The following SCAPER variants were observed in gnomAD, a reference collection of about 807,000 sequenced individuals.
SCAPER encodes S phase cyclin A-associated protein in the endoplasmic reticulum.
In SCAPER, 98 loss-of-function variants were observed where a neutral mutation model predicts 182.2. That is an observed-to-expected ratio of 0.54 (90% confidence interval 0.46 to 0.64). SCAPER has a LOEUF of 0.64. Among genes scored for constraint, SCAPER ranks in the 30% least tolerant of loss-of-function variants. SCAPER has a pLI of 0.00. For synonymous variants in SCAPER, 605 were observed against 564.6 expected (o/e 1.07, Z -1.01); for missense variants, 1,432 against 1,690.0 (o/e 0.85, Z 2.68).
chr15:76,459,530 T>C (rs2142941299), intron 25 of SCAPER, among the ~76,000 whole-genome samples: 1 of 119,236 alleles, frequency 8.4e-6, no homozygotes, highest in East Asian at 2.8e-4. Flanking sequence ...CACTTTTTAA[T>C]GGAATTATTA....
intron 23 of SCAPER, among the ~76,000 whole-genome samples, chr15:76,508,474 C>T (rs973279412): frequency 1.6e-4 from 24 of 152,132 alleles, no homozygotes; most frequent in African/African-American, 5.8e-4. Flanking sequence ...GTTTTAGTAG[C>T]TATGGCCAAA....
At chr15:76,401,701 T>A (rs536819360) in intron 27 of SCAPER, among the ~76,000 whole-genome samples, 1 of 152,294 alleles carries the variant, frequency 6.6e-6, no homozygotes, top group Admixed American at 6.5e-5. Flanking sequence ...AAACTAAACA[T>A]GACGCTAACT....
intron 2 of SCAPER, among the ~76,000 whole-genome samples, chr15:76,878,166 G>T (rs546208011): frequency 6.6e-6 from 1 of 152,046 alleles, no homozygotes; most frequent in East Asian, 1.9e-4. Flanking sequence ...TTAGCAATTG[G>T]TAAGTCTGGC....
intron 6 of SCAPER, among the ~76,000 whole-genome samples, chr15:76,802,329 C>G (rs2065860017): frequency 2.0e-5 from 3 of 151,788 alleles, no homozygotes; most frequent in East Asian, 1.9e-4. Context: ...CTTTTTTTTC[C>G]CAACCTATTT....
rs528629879 is a variant in SCAPER, at chr15:76,698,492, A to G, written c.2508+3266T>C. ...AACTATTTGAAGGGAACAAAAGCCA[A>G]CATAGACAGGACTTGAATGACTATG... On this transcript the variant is annotated intron_variant, in intron 20 of 31. Coordinates refer to ENST00000563290, the MANE Select transcript of SCAPER (RefSeq NM_020843.4). 1.8e-3 allele frequency among the ~76,000 whole-genome samples: 273 copies of G among 152,348 alleles called. 1 individual carries two copies. The highest frequency in any genetic ancestry group is 3.5e-3 in the Admixed American group (53 of 15,308).
At chr15:76,782,479 G>A (rs2064227924) in intron 8 of SCAPER, among the ~76,000 whole-genome samples, 1 of 152,144 alleles carries the variant, frequency 6.6e-6, no homozygotes. Flanking sequence ...CAATGAGACA[G>A]AAGGTTAGCA....
At chr15:76,496,523 G>A (rs1362396977) in intron 24 of SCAPER, among the ~76,000 whole-genome samples, 1 of 152,124 alleles carries the variant, frequency 6.6e-6, no homozygotes, top group African/African-American at 2.4e-5. Context: ...CTTTGATTCT[G>A]AAGATAAGCT....
chr15:76,383,914 T>G (rs923047692), intron 27 of SCAPER, among the ~76,000 whole-genome samples: 2 of 152,266 alleles, frequency 1.3e-5, no homozygotes, highest in African/African-American at 4.8e-5. Flanking sequence ...TATTTTTGTC[T>G]CATAGTACTC....
intron 26 of SCAPER, among the ~76,000 whole-genome samples, chr15:76,415,340 T>G (rs1268483316): frequency 6.6e-6 from 1 of 152,192 alleles, no homozygotes; most frequent in Non-Finnish European, 1.5e-5. Flanking sequence ...GCATTTATTA[T>G]ATCATCCATA....
chr15:76,511,885 A>AT lies in SCAPER; in HGVS notation c.2839-6912dup, dbSNP rs57258010. ...TGTGTGTGTGTGTATATATATATATATTTTTTTTTTTTTTTGAGATGGAGT... is the reference window on the plus strand; with the variant it reads ...TGTGTGTGTGTGTATATATATATATATTTTTTTTTTTTTTTTGAGATGGAGT... On this transcript the variant is annotated intron_variant, in intron 23 of 31. Coordinates refer to ENST00000563290, the MANE Select transcript of SCAPER (RefSeq NM_020843.4). 3.7e-3 allele frequency among the ~76,000 whole-genome samples: 419 copies of AT among 113,628 alleles called. 2 individuals are homozygous for AT. Among genetic ancestry groups the AT allele is most frequent in the East Asian group, 8.8e-3 (35 of 3,964 alleles). The allele number at this position is 113,628 out of a possible 152,430, so 74.5% of individuals were successfully genotyped here.
chr15:76,808,700 C>T (rs2066374919), intron 5 of SCAPER, among the ~76,000 whole-genome samples: 2 of 152,186 alleles, frequency 1.3e-5, no homozygotes, highest in Non-Finnish European at 2.9e-5. Context: ...GGGGACTATC[C>T]ACAACTTCAC....
intron 23 of SCAPER, among the ~76,000 whole-genome samples, chr15:76,532,330 CCCTT>C (rs1353817505): frequency 6.6e-6 from 1 of 151,884 alleles, no homozygotes; most frequent in South Asian, 2.1e-4. Context: ...CCCTCCCCTC[CCCTT>C]CCTTCCTTCC....
rs553627342 is a variant in SCAPER, at chr15:76,388,364, G to A, written c.3468-6749C>T. Among the ~76,000 whole-genome samples the A allele has an allele frequency of 1.1e-4, 17 of 152,214 alleles. No homozygotes were observed. The South Asian group carries it at 3.3e-3, about 30-fold the overall frequency. On this transcript the variant is annotated intron_variant, in intron 27 of 31. Transcript: ENST00000563290. ...CCAGCTGCTTAGGAGGCTGAGGCAG[G>A]AGCATCACTGGAGCCTAGGAGTTCA...
rs143987687 is a variant in SCAPER at position 76,560,718 on chromosome 15, G to C, written c.2838+13440C>G. Among the ~76,000 whole-genome samples, 411 of 152,234 alleles carry C rather than the reference G, an allele frequency of 2.7e-3. 1 individual carries two copies. The highest frequency in any genetic ancestry group is 9.3e-3 in the African/African-American group (386 of 41,536). ...GCTAAATGATTTAATTTATTCTAGAGTACAGTTCTCCAAGTATCCATTTAC... is the reference window on the plus strand; with the variant it reads ...GCTAAATGATTTAATTTATTCTAGACTACAGTTCTCCAAGTATCCATTTAC... On this transcript the variant is annotated intron_variant, in intron 23 of 31. Transcript: ENST00000563290.
chr15:76,786,383 A>G (rs576766553), intron 8 of SCAPER, among the ~76,000 whole-genome samples: 4 of 152,222 alleles, frequency 2.6e-5, no homozygotes, highest in African/African-American at 9.6e-5. Flanking sequence ...TAGGCTAAAC[A>G]ACAAAAATCA....
At chr15:76,580,272 C>A (rs183671902) in intron 22 of SCAPER, among the ~76,000 whole-genome samples, 43 of 152,106 alleles carry the variant, frequency 2.8e-4, no homozygotes, top group African/African-American at 8.4e-4. Flanking sequence ...AAGTGTTAGA[C>A]CACAAAATAA....
Position 76,810,551 on chromosome 15 carries a change from CCACA to C in SCAPER, c.394-5922_394-5919del, listed in dbSNP as rs67252250. On this transcript the variant is annotated intron_variant, in intron 5 of 31. Transcript: ENST00000563290. ...AATCTAGCAATACAAAAAAAAAAAA[CCACA>C]CACACACACACACACACACACAAAA... 1.6e-4 allele frequency among the ~76,000 whole-genome samples: 21 copies of C among 133,442 alleles called. No homozygotes were observed. In the South Asian group the frequency reaches 1.9e-3, roughly 12 times the overall value. The allele number at this position is 133,442 out of a possible 152,430, so 87.5% of individuals were successfully genotyped here. A position where few individuals can be genotyped will look rare whatever the true frequency, so the allele number is the denominator to read the frequency against.
At chr15:76,837,693 T>A (rs948696401) in intron 5 of SCAPER, among the ~76,000 whole-genome samples, 27 of 152,092 alleles carry the variant, frequency 1.8e-4, no homozygotes, top group Non-Finnish European at 3.2e-4. Flanking sequence ...GAAACTACAA[T>A]GAGATACCAT....
At chr15:76,885,086 A>G (rs1456614137) in intron 1 of SCAPER, among the ~76,000 whole-genome samples, 1 of 152,246 alleles carries the variant, frequency 6.6e-6, no homozygotes, top group Non-Finnish European at 1.5e-5. Flanking sequence ...ATGTTCTAAA[A>G]TTAATTATGG....
Sources: gnomAD v4.1 joint callset for allele counts (sites outside exome capture counted in the v4.1 genomes callset) on GRCh38, gnomAD v4.1.1 for gene constraint, MANE v1.5 for transcripts, NCBI Gene and HGNC (gene_info 2026-07-23, HGNC 2026-07-21) for gene names.